Variants in TBC1D16 observed in about 807,000 individuals in gnomAD.
The protein encoded by TBC1D16 is CTD-2529O21.1.
A neutral mutation model predicts 74.7 loss-of-function variants in TBC1D16; 58 were observed. That is an observed-to-expected ratio of 0.78 (90% confidence interval 0.63 to 0.97). The LOEUF is 0.97. TBC1D16 is among the 50% of genes least tolerant of loss of function. The pLI is 0.00. For missense variants in TBC1D16, 1,014 were observed against 1,079.5 expected, an observed-to-expected ratio of 0.94 and a Z score of 0.85; for synonymous variants, 493 against 474.7, an observed-to-expected ratio of 1.04 and a Z score of -0.50.
At chr17:79,973,482 G>A (rs1480128667) in intron 3 of TBC1D16, among the ~76,000 whole-genome samples, 1 of 152,156 alleles carries the variant, frequency 6.6e-6, no homozygotes, top group Non-Finnish European at 1.5e-5. Context: ...GGCCAAGGCG[G>A]GCGGATCACA....
In TBC1D16 at chr17:79,952,739, G is replaced by A. The variant is rs779272520; in HGVS notation, c.859C>T (p.Gln287Ter). 1.2e-6 allele frequency: 2 copies of A among 1,612,218 alleles called. No individual in the cohort carries two copies. The highest frequency in any genetic ancestry group is 2.2e-5 in the East Asian group (1 of 44,870). Reference protein sequence around the residue: ...LLQTPRWDEPQRVCALEQICG... With the variant: ...LLQTPRWDEP ...ATCTGCTCCAGGGCGCACACCCGCT[G>A]CGGCTCGTCCCAGCGTGGGGTCTGC... Residue 287 changes from glutamine to a stop codon, truncating the protein, a stop_gained, in exon 4 of 12, where the codon CAG becomes TAG. Coordinates refer to ENST00000310924, the MANE Select transcript of TBC1D16 (RefSeq NM_019020.4). LOFTEE classifies it high-confidence loss of function.
chr17:79,984,557 A>T (rs1008945274), intron 3 of TBC1D16, among the ~76,000 whole-genome samples: 1 of 101,102 alleles, frequency 9.9e-6, no homozygotes, highest in Non-Finnish European at 2.0e-5. Context: ...TTAAAAAGAA[A>T]GAAAGAGAGA....
In TBC1D16 at chr17:79,933,971, T is replaced by A. The variant is rs374773465; in HGVS notation, c.*6888A>T. On this transcript the variant is annotated 3_prime_UTR_variant, in exon 12 of 12. Transcript: ENST00000310924. ...CAGAGAACTTCCCCTCTGGAGCCTG[T>A]GCGGCTGGTTGAGTGTAAACGCTGA... is the stretch of plus-strand genomic sequence containing the variant. 5 of 152,380 alleles carry A rather than the reference T, an allele frequency of 3.3e-5. No homozygotes were observed. The highest frequency in any genetic ancestry group is 1.2e-4 in the African/African-American group (5 of 41,552). 9.4% of individuals were successfully genotyped at this position (152,380 alleles called of 1,614,324 possible). A position where few individuals can be genotyped will look rare whatever the true frequency, so the allele number is the denominator to read the frequency against.
intron 1 of TBC1D16, among the ~76,000 whole-genome samples, chr17:80,023,404 C>T (rs1181424741): frequency 2.7e-5 from 4 of 149,918 alleles, no homozygotes; most frequent in Admixed American, 6.6e-5. Context: ...CCTTCCGCCC[C>T]GCAGTCCCAG....
At position 79,954,116 on chromosome 17, in the gene TBC1D16, G is replaced by A. The variant is rs116821604; in HGVS notation, c.780-1298C>T. The stretch of plus-strand genomic sequence containing the variant: ...AGCAAATGTCTGCTAAAATAAAACC[G>A]GAGTACAGGCAAGACTCAGCTCTGG... On this transcript the variant is annotated intron_variant, in intron 3 of 11. Transcript: ENST00000310924. The surrounding 1 kb of genome is among the most constrained non-coding windows in gnomAD (Gnocchi z 5.5). Among the ~76,000 whole-genome samples, 2,748 of 152,210 alleles carry A rather than the reference G, an allele frequency of 0.018. 89 individuals are homozygous for A. The highest frequency in any genetic ancestry group is 0.062 in the African/African-American group (2,590 of 41,502).
rs1416387687 is a variant in TBC1D16 at position 79,994,261 on chromosome 17, CT to C, written c.779+15898del. Among the ~76,000 whole-genome samples the C allele has an allele frequency of 4.6e-5, 7 of 151,928 alleles. No individual in the cohort carries two copies. Among genetic ancestry groups the C allele is most frequent in the African/African-American group, 1.7e-4 (7 of 41,414 alleles). On this transcript the variant is annotated intron_variant, in intron 3 of 11. Transcript: ENST00000310924. This position sits in a 1 kb window ranked among gnomAD's most constrained non-coding sequence, Gnocchi z 4.6. The stretch of plus-strand genomic sequence containing the variant: ...CTTGGGGGACATACCTGGCTGGTGA[CT>C]TCTAGAATCCCAGCTCAGGGCCGGG...
At chr17:80,015,987 G>A (rs1031269291) in intron 1 of TBC1D16, among the ~76,000 whole-genome samples, 31 of 146,470 alleles carry the variant, frequency 2.1e-4, no homozygotes, top group Non-Finnish European at 3.9e-4. Flanking sequence ...CTCCAGCCTG[G>A]GTGACAGAGC....
At position 79,936,870 on chromosome 17, in the gene TBC1D16, A is replaced by ATG. The variant is rs3080748; in HGVS notation, c.*3987_*3988dup. On this transcript the variant is annotated 3_prime_UTR_variant, in exon 12 of 12. Transcript: ENST00000310924. ...TGACTTAGGCTGCACCCCTGCACAT[A>ATG]TGTGTGTGTGTGTGTGCATGCGTGC... The ATG allele has an allele frequency of 0.33, 49,422 of 149,340 alleles. 8,394 individuals are homozygous for ATG. The highest frequency in any genetic ancestry group is 0.42 in the East Asian group (2,100 of 5,000). 9.3% of individuals were successfully genotyped at this position (149,340 alleles called of 1,614,324 possible).
rs2143331946 is a variant in TBC1D16 at position 79,939,678 on chromosome 17, A to G, written c.*1181T>C. On this transcript the variant is annotated 3_prime_UTR_variant, in exon 12 of 12. Transcript: ENST00000310924. ...CCTTTTCTGTCCATCTCTAAATCCC[A>G]GAAGGAGCAACTGATACACAATCTT... is the stretch of plus-strand genomic sequence containing the variant. 1 of 152,356 alleles carries G rather than the reference A, an allele frequency of 6.6e-6. No homozygotes were observed. Among genetic ancestry groups the G allele is most frequent in the South Asian group, 2.1e-4 (1 of 4,822 alleles). The allele number at this position is 152,356 out of a possible 1,614,324, so 9.4% of individuals were successfully genotyped here.
rs1451037359 is a variant in TBC1D16 at position 79,952,792 on chromosome 17, A to T, written c.806T>A (p.Leu269Gln). 6.2e-7 allele frequency: 1 copy of T among 1,610,768 alleles called. No homozygotes were observed. ...GAGGCCGTTGCTGTCCGGGAACCGC[A>T]GGCCGGCGTCGGAGCTGGACGGGGG... ...SSPPSSSDAG[L>Q]RFPDSNGLLQ... The change falls in exon 4 of 12, where the codon CTG becomes CAG. Residue 269 changes from leucine (L) to glutamine (Q), a missense_variant. Coordinates refer to ENST00000310924, the MANE Select transcript of TBC1D16 (RefSeq NM_019020.4).
Position 79,954,551 on chromosome 17 carries a change from C to A in TBC1D16, c.780-1733G>T, listed in dbSNP as rs2033242959. Among the ~76,000 whole-genome samples the A allele has an allele frequency of 6.6e-6, 1 of 152,106 alleles. No individual in the cohort carries two copies. The highest frequency in any genetic ancestry group is 2.1e-4 in the South Asian group (1 of 4,826). ...CATCACCTGAACTGCCGTGGCTGCGCCGCGGACGGGCCCAGAAGACCGAGG... is the reference window on the plus strand; with the variant it reads ...CATCACCTGAACTGCCGTGGCTGCGACGCGGACGGGCCCAGAAGACCGAGG... On this transcript the variant is annotated intron_variant, in intron 3 of 11. Coordinates refer to ENST00000310924, the MANE Select transcript of TBC1D16 (RefSeq NM_019020.4). The surrounding 1 kb of genome is among the most constrained non-coding windows in gnomAD (Gnocchi z 5.5).
chr17:79,971,041 G>C lies in TBC1D16; in HGVS notation c.780-18223C>G, dbSNP rs2034077331. On this transcript the variant is annotated intron_variant, in intron 3 of 11. Coordinates refer to ENST00000310924, the MANE Select transcript of TBC1D16 (RefSeq NM_019020.4). The surrounding 1 kb of genome is among the most constrained non-coding windows in gnomAD (Gnocchi z 4.6). ...GTATTTTTATTTTTTATTTTTTTTT[G>C]AGATGGAGTCTGTCTCCATTGCCCA... 6.8e-6 allele frequency among the ~76,000 whole-genome samples: 1 copy of C among 147,842 alleles called. No individual in the cohort carries two copies.
chr17:80,015,528 C>A (rs1192394353), intron 1 of TBC1D16, among the ~76,000 whole-genome samples: 1 of 152,226 alleles, frequency 6.6e-6, no homozygotes, highest in African/African-American at 2.4e-5. Flanking sequence ...CTGACCACAG[C>A]TGGGCTGCGT....
intron 3 of TBC1D16, among the ~76,000 whole-genome samples, chr17:80,006,815 T>C (rs2035695207): frequency 1.3e-5 from 2 of 152,112 alleles, no homozygotes; most frequent in South Asian, 2.1e-4. Context: ...TGCACCACTA[T>C]GCCCAGCTAA....
chr17:79,959,600 A>C (rs12939128), intron 3 of TBC1D16, among the ~76,000 whole-genome samples: 100 of 152,362 alleles, frequency 6.6e-4, no homozygotes, highest in African/African-American at 2.2e-3. Context: ...AAAAGTGCAA[A>C]GACAATTCAG....
chr17:79,943,836 A>T, intron 10 of TBC1D16: 3 of 1,364,766 alleles, frequency 2.2e-6, no homozygotes, highest in Non-Finnish European at 2.8e-6. Flanking sequence ...AACGTAAAGG[A>T]ATGAGGGCGG....
At chr17:80,030,726 G>A (rs901452894) in intron 1 of TBC1D16, among the ~76,000 whole-genome samples, 1 of 152,222 alleles carries the variant, frequency 6.6e-6, no homozygotes, top group Non-Finnish European at 1.5e-5. Context: ...CCACTCACCA[G>A]AGGGACGCAG....
intron 1 of TBC1D16, 33 bp from the exon 2 acceptor site, chr17:80,013,642 T>C: frequency 3.8e-6 from 5 of 1,331,732 alleles, no homozygotes; most frequent in Non-Finnish European, 5.0e-6. Context: ...ATGGTCAAGG[T>C]TGTGGACTTG....
rs931262299 is a variant in TBC1D16 at position 79,937,915 on chromosome 17, C to T, written c.*2944G>A. The T allele has an allele frequency of 3.9e-5, 6 of 152,260 alleles. No homozygotes were observed. Among genetic ancestry groups the T allele is most frequent in the African/African-American group, 7.2e-5 (3 of 41,470 alleles). 9.4% of individuals were successfully genotyped at this position (152,260 alleles called of 1,614,324 possible). On this transcript the variant is annotated 3_prime_UTR_variant, in exon 12 of 12. Transcript: ENST00000310924. Reference sequence around the variant, plus strand: ...AGACATTAGCAGCAGAGCTGCACCACGCATCAACTTTTAAGTATGCGCACA... The same window carrying T: ...AGACATTAGCAGCAGAGCTGCACCATGCATCAACTTTTAAGTATGCGCACA...
Sources: allele counts gnomAD v4.1 joint callset (sites outside exome capture counted in the v4.1 genomes callset), GRCh38; gene constraint gnomAD v4.1.1; non-coding constraint Gnocchi (gnomAD v3.1); transcripts MANE v1.5; gene names NCBI Gene and HGNC (gene_info 2026-07-23, HGNC 2026-07-21).